The following SSPN variants were observed in gnomAD, a reference collection of about 807,000 sequenced individuals.
SSPN encodes sarcospan, also known as K-ras oncogene-associated protein.
A neutral mutation model predicts 19.1 loss-of-function variants in SSPN; 15 were observed. That is an observed-to-expected ratio of 0.78 (90% CI 0.52 to 1.21). SSPN has a LOEUF of 1.21. Ranked by LOEUF, SSPN falls within the 50% of genes most tolerant of loss-of-function variation. SSPN has a pLI of 0.00. For missense variants in SSPN, 291 were observed against 314.0 expected, an observed-to-expected ratio of 0.93 and a Z score of 0.55; for synonymous variants, 147 against 140.3, an observed-to-expected ratio of 1.05 and a Z score of -0.34.
rs1008727296 is a variant in SSPN, at chr12:26,124,262, GC to G, written c.-31+2117del. ...GATATTACCCTCGTCTGCCCCCCCC[GC>G]CCCCCCACCATAAAACATACTATGT... On this transcript the variant is annotated intron_variant, in intron 1 of 2. Coordinates refer to the SSPN transcript ENST00000538142. 273 of 577,650 alleles carry G rather than the reference GC, an allele frequency of 4.7e-4. 1 individual carries two copies. In the African/African-American group the frequency reaches 5.8e-3, roughly 12 times the overall value. 35.8% of individuals were successfully genotyped at this position (577,650 alleles called of 1,614,324 possible). A position where few individuals can be genotyped will look rare whatever the true frequency, so the allele number is the denominator to read the frequency against.
At chr12:26,210,766 AT>A (rs750349443) in intron 1 of SSPN, among the ~76,000 whole-genome samples, 27 of 152,108 alleles carry the variant, frequency 1.8e-4, no homozygotes, top group African/African-American at 6.5e-4. Flanking sequence ...TTTATCCAGC[AT>A]TTTACAGTGT....
At chr12:26,131,246 A>G (rs1236937426) in intron 1 of SSPN, among the ~76,000 whole-genome samples, 5 of 152,250 alleles carry the variant, frequency 3.3e-5, no homozygotes, top group African/African-American at 1.2e-4. Flanking sequence ...CCTTAAGCAC[A>G]TGGTCCTTAA....
At chr12:26,169,351 GTC>G (rs1221086509) in intron 1 of SSPN, among the ~76,000 whole-genome samples, 1 of 152,040 alleles carries the variant, frequency 6.6e-6, no homozygotes, top group African/African-American at 2.4e-5. Flanking sequence ...TAATGAGATT[GTC>G]TCTGTTATAT....
Position 26,234,581 on chromosome 12 carries a change from G to T in SSPN, c.*3505G>T, listed in dbSNP as rs746985110. 1.3e-5 allele frequency: 2 copies of T among 152,130 alleles called. No homozygotes were observed. The highest frequency in any genetic ancestry group is 2.9e-5 in the Non-Finnish European group (2 of 68,020). The allele number at this position is 152,130 out of a possible 1,614,324, so 9.4% of individuals were successfully genotyped here. A position where few individuals can be genotyped will look rare whatever the true frequency, so the allele number is the denominator to read the frequency against. On this transcript the variant is annotated 3_prime_UTR_variant, in exon 3 of 3. Coordinates refer to ENST00000242729, the MANE Select transcript of SSPN (RefSeq NM_005086.5). ...AATCATTTCTTCTGATTTTCTAGTA[G>T]TTTATTATCTCAAATGATTATTATC...
chr12:26,145,853 G>A (rs904928808), intron 1 of SSPN, among the ~76,000 whole-genome samples: 9 of 152,152 alleles, frequency 5.9e-5, no homozygotes, highest in African/African-American at 1.7e-4. Flanking sequence ...CTCATGCCCC[G>A]TAAACTCATG....
At chr12:26,208,021 G>GGGA (rs1555180113) in intron 1 of SSPN, among the ~76,000 whole-genome samples, 1 of 95,064 alleles carries the variant, frequency 1.1e-5, no homozygotes, top group Non-Finnish European at 2.4e-5. Flanking sequence ...GTGGTGGTGG[G>GGGA]GGGGGGGGAT....
At chr12:26,227,278 A>G (rs1945188331) in intron 2 of SSPN, among the ~76,000 whole-genome samples, 1 of 152,134 alleles carries the variant, frequency 6.6e-6, no homozygotes, top group Non-Finnish European at 1.5e-5. Context: ...GGGATCGAGT[A>G]TATATTTATG....
intron 1 of SSPN, chr12:26,124,958 GCACACACACA>G (rs778562866): frequency 7.1e-5 from 49 of 690,570 alleles, no homozygotes; most frequent in East Asian, 6.2e-4. Context: ...CACCGCGCTC[GCACACACACA>G]CGCACACACA....
chr12:26,128,708 C>A (rs772039394), intron 1 of SSPN, among the ~76,000 whole-genome samples: 2 of 152,184 alleles, frequency 1.3e-5, no homozygotes, highest in African/African-American at 4.8e-5. Context: ...CAAGAAGATA[C>A]AAGATGAGCT....
intron 1 of SSPN, among the ~76,000 whole-genome samples, chr12:26,181,906 C>T (rs1314118073): frequency 2.0e-5 from 3 of 152,204 alleles, no homozygotes; most frequent in African/African-American, 7.2e-5. Flanking sequence ...AGACCTTCCA[C>T]TCATACAGTC....
chr12:26,131,774 C>CAATTCT (rs1944398568), intron 1 of SSPN, among the ~76,000 whole-genome samples: 2 of 152,154 alleles, frequency 1.3e-5, no homozygotes, highest in Admixed American at 1.3e-4. Flanking sequence ...AAACAATGTC[C>CAATTCT]AGTGCTCTCA....
chr12:26,163,956 G>A (rs1459519169), intron 1 of SSPN, among the ~76,000 whole-genome samples: 1 of 152,190 alleles, frequency 6.6e-6, no homozygotes, highest in Admixed American at 6.5e-5. Context: ...AAGCTTAGAG[G>A]ACAGAGGAAT....
At chr12:26,219,219 G>T (rs1240733710) in intron 1 of SSPN, among the ~76,000 whole-genome samples, 1 of 151,992 alleles carries the variant, frequency 6.6e-6, no homozygotes, top group Non-Finnish European at 1.5e-5. Context: ...AATGTCACAA[G>T]ACCAGAATAT....
At chr12:26,228,783 A>G (rs1227680981) in intron 2 of SSPN, among the ~76,000 whole-genome samples, 1 of 152,124 alleles carries the variant, frequency 6.6e-6, no homozygotes, top group Non-Finnish European at 1.5e-5. Context: ...ATTCTTCCCC[A>G]TTGGTTCTAC....
chr12:26,142,006 G>A (rs1216759465), intron 1 of SSPN, among the ~76,000 whole-genome samples: 3 of 152,180 alleles, frequency 2.0e-5, no homozygotes, highest in Non-Finnish European at 4.4e-5. Context: ...GAGAAAGTAG[G>A]AAAGCAAAAG....
At chr12:26,163,657 G>A (rs1434813500) in intron 1 of SSPN, among the ~76,000 whole-genome samples, 1 of 152,276 alleles carries the variant, frequency 6.6e-6, no homozygotes, top group South Asian at 2.1e-4. Flanking sequence ...AGAGGGAGCA[G>A]CAGTCATGGC....
rs376777918 is a variant in SSPN, at chr12:26,122,959, G to T, written c.-31+807G>T. On this transcript the variant is annotated intron_variant, in intron 1 of 2. Transcript: ENST00000538142. The stretch of plus-strand genomic sequence containing the variant: ...GAGGGAGCGCCGGTGCCTTTGCTCA[G>T]AGGGACCTGTTGAGTCAACAGCTGC... The T allele has an allele frequency of 4.5e-6, 7 of 1,559,726 alleles. No individual in the cohort carries two copies. In the African/African-American group the frequency reaches 6.8e-5, roughly 15 times the overall value.
intron 1 of SSPN, among the ~76,000 whole-genome samples, chr12:26,212,584 C>A (rs1373263732): frequency 6.6e-6 from 1 of 151,834 alleles, no homozygotes; most frequent in Non-Finnish European, 1.5e-5. Flanking sequence ...GCAGGCAGAA[C>A]TTAGTTCTTC....
intron 1 of SSPN, among the ~76,000 whole-genome samples, chr12:26,173,339 G>T (rs751523613): frequency 6.6e-6 from 1 of 152,170 alleles, no homozygotes; most frequent in Non-Finnish European, 1.5e-5. Context: ...TCTCTAAATA[G>T]ATCTCTAATG....
Sources: allele counts gnomAD v4.1 joint callset (sites outside exome capture counted in the v4.1 genomes callset), GRCh38; gene constraint gnomAD v4.1.1; transcripts MANE v1.5; gene names NCBI Gene and HGNC (gene_info 2026-07-23, HGNC 2026-07-21).